Variants in ALKBH8 observed in about 807,000 individuals in gnomAD.
ALKBH8 encodes tRNA (carboxymethyluridine(34)-5-O)-methyltransferase ALKBH8.
In ALKBH8, 36 loss-of-function variants were observed where a neutral mutation model predicts 59.8. The observed-to-expected ratio is 0.60, with a 90% CI of 0.46 to 0.79. The LOEUF (loss-of-function observed/expected upper bound fraction) is 0.79. Among genes scored for constraint, ALKBH8 ranks in the 30% least tolerant of loss-of-function variants. The pLI, the probability that ALKBH8 is intolerant of heterozygous loss-of-function variation, is 0.00. For missense variants in ALKBH8, 768 were observed against 801.0 expected, an observed-to-expected ratio of 0.96 and a Z score of 0.50; for synonymous variants, 276 against 273.6, an observed-to-expected ratio of 1.01 and a Z score of -0.09.
intron 1 of ALKBH8, 119 bp from the exon 2 acceptor site, chr11:107,561,018 G>A: frequency 1.1e-6 from 1 of 908,166 alleles, no homozygotes; most frequent in Non-Finnish European, 1.6e-6. Flanking sequence ...TTTTAAAAAT[G>A]CTTCATTTAC....
At position 107,553,126 on chromosome 11, in the gene ALKBH8, C is replaced by G. The variant is rs1864564007; in HGVS notation, c.577G>C (p.Asp193His). ...TACTTACCCCCAGATAATGGCTTAT[C>G]TTTATCTACATTGTTGTTCTCATAG... ...FHYENNNVDK[D>H]KPLSGGLPDI... Residue 193 changes from aspartate to histidine, a missense_variant, in exon 5 of 12, where the codon GAT becomes CAT. By Grantham distance (81) the Asp-to-His change is moderately conservative. Transcript: ENST00000428149. 1 of 1,601,164 alleles carries G rather than the reference C, an allele frequency of 6.2e-7. No individual in the cohort carries two copies. Among genetic ancestry groups the G allele is most frequent in the Admixed American group, 1.7e-5 (1 of 58,086 alleles).
Position 107,565,718 on chromosome 11 carries a change from G to C in ALKBH8, c.-124C>G. 1.3e-6 allele frequency: 2 copies of C among 1,521,932 alleles called. No homozygotes were observed. Among genetic ancestry groups the C allele is most frequent in the South Asian group, 2.4e-5 (2 of 83,772 alleles). The allele number at this position is 1,521,932 out of a possible 1,614,324, so 94.3% of individuals were successfully genotyped here. On this transcript the variant is annotated 5_prime_UTR_variant, in exon 1 of 12. Coordinates refer to ENST00000428149, the MANE Select transcript of ALKBH8 (RefSeq NM_138775.3). ...TTGCACGCCATCTCCCCTGGGCGCG[G>C]CCATGTTGGAGAAAACTGCACTACA... is the stretch of plus-strand genomic sequence containing the variant.
intron 7 of ALKBH8, among the ~76,000 whole-genome samples, chr11:107,539,746 T>C (rs1476340810): frequency 2.0e-5 from 3 of 152,142 alleles, no homozygotes; most frequent in African/African-American, 4.8e-5. Flanking sequence ...CTTAAATCCA[T>C]TGGCTAAATG....
In ALKBH8 at chr11:107,551,915, A is replaced by C. The variant is rs774111856; in HGVS notation, c.596-3T>G. Reference sequence around the variant, plus strand: ...GCTTTCACAAATGTCAGGAAGACCTACAATGAGTAATCATAAAGACAAAAC... The same window carrying C: ...GCTTTCACAAATGTCAGGAAGACCTCCAATGAGTAATCATAAAGACAAAAC... On this transcript the variant is annotated splice_region_variant and splice_polypyrimidine_tract_variant and intron_variant, in intron 5 of 11. Transcript: ENST00000428149. 2 of 1,455,032 alleles carry C rather than the reference A, an allele frequency of 1.4e-6. No individual in the cohort carries two copies. Among genetic ancestry groups the C allele is most frequent in the Non-Finnish European group, 1.8e-6 (2 of 1,094,230 alleles). The allele number at this position is 1,455,032 out of a possible 1,614,324, so 90.1% of individuals were successfully genotyped here. A position where few individuals can be genotyped will look rare whatever the true frequency, so the allele number is the denominator to read the frequency against.
intron 10 of ALKBH8, among the ~76,000 whole-genome samples, chr11:107,513,158 A>G (rs539969664): frequency 1.3e-5 from 2 of 152,342 alleles, no homozygotes; most frequent in Admixed American, 1.3e-4. Context: ...GGATCTGACA[A>G]AGGTCTAATA....
intron 10 of ALKBH8, among the ~76,000 whole-genome samples, chr11:107,519,169 G>C (rs1862999954): frequency 6.6e-6 from 1 of 152,042 alleles, no homozygotes; most frequent in Non-Finnish European, 1.5e-5. Context: ...GCAATGGTGG[G>C]ATCTTGGCTC....
At chr11:107,525,627 T>C (rs1021293464) in intron 8 of ALKBH8, 35 bp from the exon 9 acceptor site, 14 of 1,311,420 alleles carry the variant, frequency 1.1e-5, no homozygotes, top group Non-Finnish European at 1.3e-5. Context: ...TACTTAACAT[T>C]GTATTAATAA....
chr11:107,516,359 C>T (rs1207617642), intron 10 of ALKBH8, among the ~76,000 whole-genome samples: 1 of 152,046 alleles, frequency 6.6e-6, no homozygotes, highest in Non-Finnish European at 1.5e-5. Flanking sequence ...TAATAAAGTC[C>T]AAGTCTTTTC....
chr11:107,558,207 C>T (rs1009680240), intron 2 of ALKBH8, among the ~76,000 whole-genome samples: 1 of 151,986 alleles, frequency 6.6e-6, no homozygotes, highest in African/African-American at 2.4e-5. Flanking sequence ...ATAAGAATAC[C>T]TAGAACTTTG....
At chr11:107,508,729 A>G (rs1276594617) in intron 11 of ALKBH8, among the ~76,000 whole-genome samples, 2 of 152,142 alleles carry the variant, frequency 1.3e-5, no homozygotes, top group African/African-American at 4.8e-5. Flanking sequence ...GAATTTAACT[A>G]TTCTAAGTAG....
In ALKBH8 at chr11:107,503,813, AT is replaced by A. The variant is rs1862267927; in HGVS notation, c.*844del. On this transcript the variant is annotated 3_prime_UTR_variant, in exon 12 of 12. Transcript: ENST00000428149. ...TTGTTTTTAGCACCCTGCTCAATGA[AT>A]TTGGAATACCAATTAACTCTTGATA... 1 of 152,206 alleles carries A rather than the reference AT, an allele frequency of 6.6e-6. No individual in the cohort carries two copies. Among genetic ancestry groups the A allele is most frequent in the African/African-American group, 2.4e-5 (1 of 41,460 alleles). The allele number at this position is 152,206 out of a possible 1,614,324, so 9.4% of individuals were successfully genotyped here.
At chr11:107,511,173 C>G in intron 10 of ALKBH8, 137 bp from the exon 11 acceptor site, 1 of 853,836 alleles carries the variant, frequency 1.2e-6, no homozygotes, top group African/African-American at 1.7e-5. Context: ...ATGATACTAT[C>G]GGTTCTTACA....
intron 7 of ALKBH8, among the ~76,000 whole-genome samples, chr11:107,548,776 A>T (rs974210840): frequency 2.6e-5 from 4 of 152,190 alleles, no homozygotes; most frequent in African/African-American, 9.7e-5. Flanking sequence ...ACAAGATCAG[A>T]ATTTGATACA....
intron 7 of ALKBH8, among the ~76,000 whole-genome samples, chr11:107,539,558 C>T (rs144598523): frequency 0.019 from 2,830 of 151,812 alleles, 48 homozygotes; most frequent in Non-Finnish European, 0.028. Flanking sequence ...AAGATCTCAC[C>T]GTTGCACTCC....
At chr11:107,548,841 T>C (rs1043367925) in intron 7 of ALKBH8, among the ~76,000 whole-genome samples, 1 of 137,116 alleles carries the variant, frequency 7.3e-6, no homozygotes, top group Non-Finnish European at 1.6e-5. Flanking sequence ...AGATTTAAAA[T>C]TCTGATTTTC....
Position 107,505,360 on chromosome 11 carries a change from A to G in ALKBH8, c.1438-145T>C, listed in dbSNP as rs1862339772. ...TATGTAAAACAAAAAGGAAAAAAAG[A>G]AGAAAGAGCATTCTGTTCTGTGATT... On this transcript the variant is annotated intron_variant, in intron 11 of 11. Coordinates refer to ENST00000428149, the MANE Select transcript of ALKBH8 (RefSeq NM_138775.3). 3.9e-6 allele frequency: 3 copies of G among 761,368 alleles called. No individual in the cohort carries two copies. In the South Asian group the frequency reaches 9.5e-5, roughly 24 times the overall value. 47.2% of individuals were successfully genotyped at this position (761,368 alleles called of 1,614,324 possible). A position where few individuals can be genotyped will look rare whatever the true frequency, so the allele number is the denominator to read the frequency against.
intron 4 of ALKBH8, among the ~76,000 whole-genome samples, 179 bp from the exon 5 acceptor site, chr11:107,553,382 A>T (rs1359316493): frequency 6.6e-6 from 1 of 152,146 alleles, no homozygotes; most frequent in Non-Finnish European, 1.5e-5. Context: ...TTCAAGTCTA[A>T]AATTGTAACA....
At chr11:107,546,286 G>A (rs1864250704) in intron 7 of ALKBH8, among the ~76,000 whole-genome samples, 1 of 152,110 alleles carries the variant, frequency 6.6e-6, no homozygotes, top group Non-Finnish European at 1.5e-5. Flanking sequence ...TTGATGAACT[G>A]AGTTATCTGC....
At chr11:107,524,555 C>T (rs537974846) in intron 9 of ALKBH8, among the ~76,000 whole-genome samples, 2 of 152,200 alleles carry the variant, frequency 1.3e-5, no homozygotes, top group African/African-American at 4.8e-5. Context: ...CTGCAATGTT[C>T]AATATTCATC....
Sources: allele counts gnomAD v4.1 joint callset (sites outside exome capture counted in the v4.1 genomes callset), GRCh38; gene constraint gnomAD v4.1.1; transcripts MANE v1.5; gene names NCBI Gene and HGNC (gene_info 2026-07-23, HGNC 2026-07-21).